DOCK10: variants seen among roughly 807,000 people sequenced by gnomAD.
The protein encoded by DOCK10 is dedicator of cytokinesis 10.
A neutral mutation model predicts 280.1 loss-of-function variants in DOCK10; 145 were observed. That is an observed-to-expected ratio of 0.52 (90% confidence interval 0.45 to 0.59). The LOEUF is 0.59. DOCK10 is among the 20% of genes least tolerant of loss of function. DOCK10 has a pLI of 0.00. For synonymous variants in DOCK10, 915 were observed against 942.2 expected, an observed-to-expected ratio of 0.97 and a Z score of 0.53; for missense variants, 2,368 against 2,651.7, an observed-to-expected ratio of 0.89 and a Z score of 2.35.
chr2:224,789,447 C>A (rs985889148), intron 47 of DOCK10, among the ~76,000 whole-genome samples: 1 of 152,152 alleles, frequency 6.6e-6, no homozygotes, highest in African/African-American at 2.4e-5. Flanking sequence ...GTTGCGGTTC[C>A]AATCTTCTGG....
At chr2:225,018,030 C>T (rs944661955) in intron 1 of DOCK10, among the ~76,000 whole-genome samples, 3 of 152,082 alleles carry the variant, frequency 2.0e-5, no homozygotes, top group African/African-American at 7.2e-5. Flanking sequence ...GCAGAACGGC[C>T]CCCTAGGTGT....
chr2:224,963,619 A>G (rs1704568189), intron 1 of DOCK10, among the ~76,000 whole-genome samples: 1 of 152,240 alleles, frequency 6.6e-6, no homozygotes, highest in Non-Finnish European at 1.5e-5. Context: ...AATTAATGGT[A>G]TGGCTCAAAC....
intron 27 of DOCK10, among the ~76,000 whole-genome samples, chr2:224,827,075 C>T (rs1694917083): frequency 6.6e-6 from 1 of 151,744 alleles, no homozygotes; most frequent in Non-Finnish European, 1.5e-5. Context: ...CCAGTCTGGC[C>T]AACATGGTGA....
intron 2 of DOCK10, among the ~76,000 whole-genome samples, chr2:224,930,427 C>T (rs542415379): frequency 1.3e-5 from 2 of 152,162 alleles, no homozygotes; most frequent in Admixed American, 1.3e-4. Flanking sequence ...AAGTGGAAGC[C>T]GTTTAAAATT....
intron 25 of DOCK10, among the ~76,000 whole-genome samples, chr2:224,834,745 G>T (rs753905105): frequency 6.6e-6 from 1 of 152,084 alleles, no homozygotes; most frequent in East Asian, 1.9e-4. Flanking sequence ...CTATCAAGGC[G>T]TTCATGAACA....
intron 31 of DOCK10, among the ~76,000 whole-genome samples, chr2:224,808,790 T>A (rs1693573841): frequency 6.6e-6 from 1 of 152,140 alleles, no homozygotes; most frequent in Non-Finnish European, 1.5e-5. Flanking sequence ...AGGCTCATGC[T>A]TTACTGACTT....
chr2:224,805,846 T>C lies in DOCK10; in HGVS notation c.3814+280A>G, dbSNP rs1458921122. 1.3e-5 allele frequency among the ~76,000 whole-genome samples: 2 copies of C among 152,176 alleles called. No homozygotes were observed. Among genetic ancestry groups the C allele is most frequent in the African/African-American group, 4.8e-5 (2 of 41,440 alleles). Reference sequence around the variant, plus strand: ...AGCCATTATATCTTAAAAGGCTGTCTGCAATGAAAACTTAAAGACGGTTTC... The same window carrying C: ...AGCCATTATATCTTAAAAGGCTGTCCGCAATGAAAACTTAAAGACGGTTTC... On this transcript the variant is annotated intron_variant, in intron 34 of 55. Transcript: ENST00000258390. The surrounding 1 kb of genome is among the most constrained non-coding windows in gnomAD (Gnocchi z 4.3).
chr2:224,856,913 T>C lies in DOCK10; in HGVS notation c.1755A>G (p.Glu585=). The change falls in exon 15 of 56, where the codon GAA becomes GAG. Residue 585 remains glutamate, a synonymous_variant. Transcript: ENST00000258390. ...DSRFSPLFRQ[E]SSKISTEDLV... Reference sequence around the variant, plus strand: ...GGTCCTCAGTTGAAATCTTGCTACTTTCTTGTCTAAACAATGGTGAAAATC... The same window carrying C: ...GGTCCTCAGTTGAAATCTTGCTACTCTCTTGTCTAAACAATGGTGAAAATC... 1 of 1,612,702 alleles carries C rather than the reference T, an allele frequency of 6.2e-7. No homozygotes were observed. The highest frequency in any genetic ancestry group is 2.2e-5 in the East Asian group (1 of 44,782).
chr2:224,978,901 G>A (rs987693585), intron 1 of DOCK10, among the ~76,000 whole-genome samples: 2 of 152,140 alleles, frequency 1.3e-5, no homozygotes, highest in African/African-American at 4.8e-5. Flanking sequence ...TGGCAACTTG[G>A]TTCTTCTGGA....
chr2:225,023,286 T>C (rs1267964779), intron 1 of DOCK10, among the ~76,000 whole-genome samples: 3 of 152,200 alleles, frequency 2.0e-5, no homozygotes, highest in Non-Finnish European at 4.4e-5. Flanking sequence ...TCTGCCCATC[T>C]TGGCCTCCCA....
intron 47 of DOCK10, among the ~76,000 whole-genome samples, chr2:224,789,787 T>G: frequency 2.7e-5 from 1 of 37,138 alleles, no homozygotes; most frequent in East Asian, 5.8e-3. Context: ...ATACTTGCTT[T>G]TTTTTTTTTT....
intron 50 of DOCK10, chr2:224,784,813 A>G: frequency 8.0e-7 from 1 of 1,257,086 alleles, no homozygotes; most frequent in Non-Finnish European, 1.0e-6. Context: ...AAGCAGCGTG[A>G]TTCACTTCTA....
chr2:224,896,949 CA>C (rs1433794378), intron 3 of DOCK10, among the ~76,000 whole-genome samples: 1 of 152,094 alleles, frequency 6.6e-6, no homozygotes, highest in East Asian at 1.9e-4. Flanking sequence ...TTTACTTTAT[CA>C]AAAAACTAGT....
At chr2:224,845,060 CAA>C in intron 21 of DOCK10, 141 bp downstream of exon 21, 3 of 955,784 alleles carry the variant, frequency 3.1e-6, no homozygotes, top group Non-Finnish European at 4.6e-6. Flanking sequence ...ATAAGCTAAA[CAA>C]GAGATGTGGC....
At chr2:224,973,405 C>T (rs561991937) in intron 1 of DOCK10, among the ~76,000 whole-genome samples, 7 of 152,066 alleles carry the variant, frequency 4.6e-5, no homozygotes, top group East Asian at 1.9e-4. Context: ...GGGGTCCTTA[C>T]GAGTGAAAGA....
At chr2:224,913,430 C>T (rs760536345) in intron 3 of DOCK10, among the ~76,000 whole-genome samples, 6 of 151,902 alleles carry the variant, frequency 3.9e-5, no homozygotes, top group Admixed American at 6.6e-5. Flanking sequence ...ATATTTTCTC[C>T]GGTTATTTGT....
chr2:224,905,436 A>ACGG (rs1243236783), intron 3 of DOCK10, among the ~76,000 whole-genome samples: 7 of 150,030 alleles, frequency 4.7e-5, no homozygotes, highest in African/African-American at 1.7e-4. Context: ...TTTTTAGTAG[A>ACGG]GACGGGGTTT....
At chr2:224,796,248 T>C in intron 44 of DOCK10, 68 bp downstream of exon 44, 1 of 967,306 alleles carries the variant, frequency 1.0e-6, no homozygotes, top group South Asian at 1.4e-5. Context: ...GATTTTGATA[T>C]CTCACAAAAA....
At position 224,874,742 on chromosome 2, in the gene DOCK10, T is replaced by C. The variant is rs1698515687; in HGVS notation, c.941A>G (p.Asp314Gly). ...ELTDLGLDSL[D>G]NSVTCECTPE... ...CGTGCATTCACAAGTTACAGAATTA[T>C]CCAGCGAATCTTAAAAAGATATACC... The change falls in exon 9 of 56, where the codon GAT becomes GGT. Residue 314 changes from aspartate to glycine, a missense_variant. Coordinates refer to ENST00000258390, the MANE Select transcript of DOCK10 (RefSeq NM_014689.3). The C allele has an allele frequency of 6.2e-7, 1 of 1,613,718 alleles. No individual in the cohort carries two copies. Among genetic ancestry groups the C allele is most frequent in the African/African-American group, 1.3e-5 (1 of 75,046 alleles).
Sources: allele counts gnomAD v4.1 joint callset (sites outside exome capture counted in the v4.1 genomes callset), GRCh38; gene constraint gnomAD v4.1.1; non-coding constraint Gnocchi (gnomAD v3.1); transcripts MANE v1.5; gene names NCBI Gene and HGNC (gene_info 2026-07-23, HGNC 2026-07-21).